Variants in CLCA4 observed in about 807,000 individuals in gnomAD.
CLCA4 encodes the protein calcium-activated chloride channel regulator 4.
Under a neutral mutation model 78.9 loss-of-function variants are expected in CLCA4, and 69 were observed. That is an observed-to-expected ratio of 0.87 (90% CI 0.72 to 1.07). The LOEUF (loss-of-function observed/expected upper bound fraction) is 1.07. CLCA4 is among the 50% of genes least tolerant of loss of function. The pLI, the probability that CLCA4 is intolerant of heterozygous loss-of-function variation, is 0.00. For synonymous variants in CLCA4, 362 were observed against 375.8 expected, an observed-to-expected ratio of 0.96 and a Z score of 0.42; for missense variants, 1,133 against 1,095.8, an observed-to-expected ratio of 1.03 and a Z score of -0.48.
At chr1:86,578,949 C>A (rs1650615211) in intron 12 of CLCA4, among the ~76,000 whole-genome samples, 1 of 152,028 alleles carries the variant, frequency 6.6e-6, no homozygotes, top group Non-Finnish European at 1.5e-5. Flanking sequence ...GGAATACAAT[C>A]AGAAGAATTA....
At chr1:86,573,761 G>A (rs1650427152) in intron 9 of CLCA4, among the ~76,000 whole-genome samples, 2 of 152,026 alleles carry the variant, frequency 1.3e-5, no homozygotes, top group South Asian at 2.1e-4. Context: ...CTGAGAACAT[G>A]ATGATTATAG....
intron 7 of CLCA4, among the ~76,000 whole-genome samples, chr1:86,570,852 C>T (rs55660984): frequency 0.012 from 1,855 of 152,148 alleles, 23 homozygotes; most frequent in Middle Eastern, 0.044. Flanking sequence ...CCTGGTCCCA[C>T]CGAATTCCTT....
chr1:86,553,944 A>G (rs1367100459), intron 1 of CLCA4, among the ~76,000 whole-genome samples: 1 of 152,040 alleles, frequency 6.6e-6, no homozygotes, highest in East Asian at 1.9e-4. Context: ...CAAAAAAAAA[A>G]GTTTGTGTGT....
At position 86,580,282 on chromosome 1, in the gene CLCA4, G is replaced by A. The variant is rs369434811; in HGVS notation, c.2697G>A (p.Thr899=). The change falls in exon 14 of 14, where the codon ACG becomes ACA. Residue 899 remains threonine, a synonymous_variant. Transcript: ENST00000370563. ...KSHNSGVNIS[T]LVLSVIGSVV... The stretch of plus-strand genomic sequence containing the variant: ...ATAATTCTGGAGTTAATATTTCTAC[G>A]CTGGTATTGTCTGTGATTGGGTCTG... 23 of 1,611,454 alleles carry A rather than the reference G, an allele frequency of 1.4e-5. No homozygotes were observed. Among genetic ancestry groups the A allele is most frequent in the Middle Eastern group, 1.6e-4 (1 of 6,062 alleles).
intron 1 of CLCA4, among the ~76,000 whole-genome samples, chr1:86,555,460 T>A (rs1649810587): frequency 6.6e-6 from 1 of 152,200 alleles, no homozygotes; most frequent in African/African-American, 2.4e-5. Flanking sequence ...ATAGGGAATC[T>A]TTTCCCCATT....
chr1:86,549,577 G>T (rs1649597778), intron 1 of CLCA4, among the ~76,000 whole-genome samples: 1 of 152,208 alleles, frequency 6.6e-6, no homozygotes, highest in African/African-American at 2.4e-5. Flanking sequence ...ACCCCAGGTA[G>T]GAAACTCTTG....
chr1:86,548,958 G>C (rs1241312100), intron 1 of CLCA4, among the ~76,000 whole-genome samples: 2 of 152,126 alleles, frequency 1.3e-5, no homozygotes, highest in Non-Finnish European at 2.9e-5. Flanking sequence ...GGACTCATTT[G>C]TTCTTTAAAG....
chr1:86,551,736 C>T (rs79245947), intron 1 of CLCA4, among the ~76,000 whole-genome samples: 2,390 of 152,306 alleles, frequency 0.016, 72 homozygotes, highest in African/African-American at 0.054. Context: ...CACGGAGGGT[C>T]TCTGAGGTCC....
intron 9 of CLCA4, among the ~76,000 whole-genome samples, chr1:86,574,129 C>T (rs996244208): frequency 1.3e-5 from 2 of 152,062 alleles, no homozygotes; most frequent in Admixed American, 1.3e-4. Flanking sequence ...AAAGCTTCTA[C>T]ATTTCCTCTC....
chr1:86,565,217 T>G (rs1003883261), intron 4 of CLCA4, 57 bp from the exon 5 acceptor site: 1 of 1,252,874 alleles, frequency 8.0e-7, no homozygotes, highest in Non-Finnish European at 1.1e-6. Context: ...CCACTTAAGA[T>G]TTCTGTAAGT....
rs1233038787 is a variant in CLCA4 at position 86,563,788 on chromosome 1, T to C, written c.557+19T>C. 2.9e-6 allele frequency: 4 copies of C among 1,384,162 alleles called. No homozygotes were observed. In the South Asian group the frequency reaches 4.9e-5, roughly 17 times the overall value. The allele number at this position is 1,384,162 out of a possible 1,614,324, so 85.7% of individuals were successfully genotyped here. A position where few individuals can be genotyped will look rare whatever the true frequency, so the allele number is the denominator to read the frequency against. On this transcript the variant is annotated intron_variant, in intron 4 of 13. Coordinates refer to ENST00000370563, the MANE Select transcript of CLCA4 (RefSeq NM_012128.4). ...CAACAAGGCATGGCTATTTAAATTT[T>C]CTAAACTGACTTCAGGCTTTTATCC... is the stretch of plus-strand genomic sequence containing the variant.
intron 7 of CLCA4, among the ~76,000 whole-genome samples, chr1:86,570,467 T>G (rs1228622645): frequency 6.6e-6 from 1 of 152,066 alleles, no homozygotes; most frequent in Non-Finnish European, 1.5e-5. Flanking sequence ...AAGTATAATT[T>G]TAATATATTC....
intron 11 of CLCA4, among the ~76,000 whole-genome samples, 193 bp downstream of exon 11, chr1:86,575,792 CTCAA>C (rs1650498889): frequency 6.6e-6 from 1 of 151,998 alleles, no homozygotes; most frequent in Non-Finnish European, 1.5e-5. Flanking sequence ...GTGGTAAGCA[CTCAA>C]TCAATGTTTT....
rs1650156114 is a variant in CLCA4, at chr1:86,565,533, T to C, written c.735+82T>C. The C allele has an allele frequency of 6.3e-6, 7 of 1,110,736 alleles. No individual in the cohort carries two copies. The Admixed American group carries it at 1.6e-4, about 25-fold the overall frequency. 68.8% of individuals were successfully genotyped at this position (1,110,736 alleles called of 1,614,324 possible). ...TTTTAAAGTATCTGTTCAGGTGACC[T>C]GAGGATTATATATATTGATATAGAG... On this transcript the variant is annotated intron_variant, in intron 5 of 13. Coordinates refer to ENST00000370563, the MANE Select transcript of CLCA4 (RefSeq NM_012128.4).
chr1:86,564,053 G>T (rs771804288), intron 4 of CLCA4, among the ~76,000 whole-genome samples: 2 of 152,084 alleles, frequency 1.3e-5, no homozygotes, highest in Non-Finnish European at 2.9e-5. Context: ...TATACAATAT[G>T]CTGGGATAAG....
chr1:86,552,415 T>C (rs1183910113), intron 1 of CLCA4, among the ~76,000 whole-genome samples: 1 of 152,216 alleles, frequency 6.6e-6, no homozygotes, highest in East Asian at 1.9e-4. Context: ...AACAGCCATC[T>C]CTGCCTGGCC....
intron 4 of CLCA4, among the ~76,000 whole-genome samples, chr1:86,564,514 A>G (rs1203428769): frequency 1.3e-5 from 2 of 152,204 alleles, no homozygotes; most frequent in Non-Finnish European, 2.9e-5. Flanking sequence ...ATGATTTTCC[A>G]CATAGATAGT....
At chr1:86,574,888 G>A (rs1298122750) in intron 10 of CLCA4, 133 bp downstream of exon 10, 10 of 669,582 alleles carry the variant, frequency 1.5e-5, no homozygotes, top group Admixed American at 1.4e-4. Flanking sequence ...TACTTTCCAT[G>A]CCTGTGTCCT....
At position 86,566,023 on chromosome 1, in the gene CLCA4, A is replaced by G; in HGVS notation, c.954+3A>G. On this transcript the variant is annotated splice_donor_region_variant and intron_variant, in intron 6 of 13. Coordinates refer to ENST00000370563, the MANE Select transcript of CLCA4 (RefSeq NM_012128.4). ...TTGATAAGTCTGGAAGCATGGGGGT[A>G]AGATCACTTTTTCTGGATATAGGGA... 6.2e-7 allele frequency: 1 copy of G among 1,609,622 alleles called. No individual in the cohort carries two copies. The highest frequency in any genetic ancestry group is 8.5e-7 in the Non-Finnish European group (1 of 1,176,810).
Sources: allele counts gnomAD v4.1 joint callset (sites outside exome capture counted in the v4.1 genomes callset), GRCh38; gene constraint gnomAD v4.1.1; transcripts MANE v1.5; gene names NCBI Gene and HGNC (gene_info 2026-07-23, HGNC 2026-07-21).